SUGCT: variants seen among roughly 807,000 people sequenced by gnomAD.
SUGCT encodes succinyl-CoA:glutarate-CoA transferase.
SUGCT carries 41 observed loss-of-function variants against 55.0 expected under a neutral mutation model. The ratio of observed to expected loss-of-function variants is 0.74; its 90% CI spans 0.58 to 0.97. SUGCT has a LOEUF of 0.97. SUGCT is among the 50% of genes least tolerant of loss of function. SUGCT has a pLI of 0.00. For missense variants in SUGCT, 568 were observed against 547.8 expected (o/e 1.04, Z -0.37); for synonymous variants, 187 against 200.4 (o/e 0.93, Z 0.56).
the SUGCT span, among the ~76,000 whole-genome samples, chr7:41,025,471 G>C: frequency 1.3e-5 from 2 of 151,920 alleles, no homozygotes. Flanking sequence ...CTGGGTTCAA[G>C]CGATTCTCCT....
At chr7:40,834,268 T>TG (rs1792846841) in intron 13 of SUGCT, among the ~76,000 whole-genome samples, 1 of 124,068 alleles carries the variant, frequency 8.1e-6, no homozygotes, top group Non-Finnish European at 1.7e-5. Context: ...GGGGGGTGGG[T>TG]GGGGAGTAGA....
At chr7:40,373,389 T>TTAGAATCTATGGATTC (rs1784395985) in intron 9 of SUGCT, among the ~76,000 whole-genome samples, 28 of 7,276 alleles carry the variant, frequency 3.8e-3, no homozygotes, top group Admixed American at 0.015. Flanking sequence ...TATATAGAAT[T>TTAGAATCTATGGATTC]TAGATCAATG....
At chr7:40,556,821 G>A (rs543360292) in intron 12 of SUGCT, among the ~76,000 whole-genome samples, 44 of 152,304 alleles carry the variant, frequency 2.9e-4, no homozygotes, top group Non-Finnish European at 5.6e-4. Context: ...TTAAGTGTTT[G>A]TAAGAATAAG....
intron 9 of SUGCT, among the ~76,000 whole-genome samples, chr7:40,378,741 G>A (rs111935447): frequency 0.021 from 3,180 of 152,284 alleles, 108 homozygotes; most frequent in African/African-American, 0.073. Context: ...CCAAAGTGCT[G>A]GGATTACAGG....
chr7:40,884,300 C>T, the SUGCT span, among the ~76,000 whole-genome samples: 2 of 152,194 alleles, frequency 1.3e-5, no homozygotes, highest in Admixed American at 6.5e-5. Context: ...AGATTTGTAT[C>T]AACATTAATG....
chr7:40,823,619 A>G (rs186876491), intron 13 of SUGCT, among the ~76,000 whole-genome samples: 5 of 152,110 alleles, frequency 3.3e-5, no homozygotes, highest in Non-Finnish European at 5.9e-5. Context: ...AGCATTTGGG[A>G]TGTGCATTTT....
the SUGCT span, among the ~76,000 whole-genome samples, chr7:40,995,883 G>A: frequency 6.6e-6 from 1 of 152,154 alleles, no homozygotes; most frequent in East Asian, 1.9e-4. Flanking sequence ...TTCTCTCCAG[G>A]TCATTTATGA....
At chr7:40,787,425 TA>T (rs1790066160) in intron 13 of SUGCT, among the ~76,000 whole-genome samples, 1 of 152,068 alleles carries the variant, frequency 6.6e-6, no homozygotes, top group Non-Finnish European at 1.5e-5. Flanking sequence ...GGTCTGGGTT[TA>T]GGGACACTAA....
intron 12 of SUGCT, among the ~76,000 whole-genome samples, chr7:40,723,717 GA>G (rs2128687862): frequency 6.6e-6 from 1 of 152,248 alleles, no homozygotes; most frequent in East Asian, 1.9e-4. Flanking sequence ...ACAAAAGTAT[GA>G]CTTTCCAGGA....
intron 12 of SUGCT, among the ~76,000 whole-genome samples, chr7:40,691,269 T>G (rs865904781): frequency 2.3e-4 from 35 of 152,174 alleles, no homozygotes; most frequent in African/African-American, 8.2e-4. Context: ...TATGAGACTG[T>G]GTAGACTCCT....
chr7:40,390,606 C>T (rs1234524373), intron 9 of SUGCT, among the ~76,000 whole-genome samples: 4 of 152,148 alleles, frequency 2.6e-5, no homozygotes, highest in Non-Finnish European at 5.9e-5. Flanking sequence ...TCAAGGAGAA[C>T]TACAAACCAG....
At chr7:41,005,667 C>T in the SUGCT span, among the ~76,000 whole-genome samples, 2 of 152,114 alleles carry the variant, frequency 1.3e-5, no homozygotes. Flanking sequence ...ATGAGGTTAC[C>T]TATGTTTAGG....
intron 13 of SUGCT, among the ~76,000 whole-genome samples, chr7:40,811,384 C>A (rs1791407037): frequency 6.6e-6 from 1 of 152,094 alleles, no homozygotes; most frequent in African/African-American, 2.4e-5. Context: ...GATACTGATT[C>A]TTAGAATCCG....
intron 9 of SUGCT, among the ~76,000 whole-genome samples, chr7:40,414,175 T>C (rs533748247): frequency 1.8e-4 from 27 of 152,232 alleles, no homozygotes; most frequent in Non-Finnish European, 3.2e-4. Context: ...TCCCCACTTA[T>C]CTGCAGTTTT....
Position 40,622,185 on chromosome 7 carries a change from C to T in SUGCT, c.1089+125799C>T, listed in dbSNP as rs560482905. 5.3e-5 allele frequency among the ~76,000 whole-genome samples: 8 copies of T among 152,154 alleles called. No homozygotes were observed. In the East Asian group the frequency reaches 7.7e-4, roughly 15 times the overall value. On this transcript the variant is annotated intron_variant, in intron 12 of 13. Coordinates refer to ENST00000335693, the MANE Select transcript of SUGCT (RefSeq NM_001193313.2). ...GCAGGTGTCCCATGTGCTCATGAGA[C>T]GTGTGTCCCTTGGGGCAGGTTTTTG...
At chr7:40,720,287 G>T (rs1460345939) in intron 12 of SUGCT, among the ~76,000 whole-genome samples, 1 of 152,188 alleles carries the variant, frequency 6.6e-6, no homozygotes, top group African/African-American at 2.4e-5. Context: ...GCACGTAAAT[G>T]TTAAGAGGTA....
intron 9 of SUGCT, among the ~76,000 whole-genome samples, chr7:40,319,353 C>T (rs756895727): frequency 4.1e-4 from 62 of 152,182 alleles, no homozygotes; most frequent in Admixed American, 4.6e-4. Flanking sequence ...TTAGAGACCC[C>T]GGTCTGTTTT....
intron 7 of SUGCT, among the ~76,000 whole-genome samples, chr7:40,263,619 T>G (rs1791369367): frequency 6.6e-6 from 1 of 152,168 alleles, no homozygotes; most frequent in South Asian, 2.1e-4. Flanking sequence ...GATGCTAAAA[T>G]TTGACTATAT....
intron 12 of SUGCT, among the ~76,000 whole-genome samples, chr7:40,564,613 TC>T (rs1272600348): frequency 6.6e-6 from 1 of 152,200 alleles, no homozygotes; most frequent in Non-Finnish European, 1.5e-5. Context: ...GATATGTCTG[TC>T]CTTTACATCA....
Sources: allele counts gnomAD v4.1 joint callset (sites outside exome capture counted in the v4.1 genomes callset), GRCh38; gene constraint gnomAD v4.1.1; transcripts MANE v1.5; gene names NCBI Gene and HGNC (gene_info 2026-07-23, HGNC 2026-07-21).